Variants in PDGFC observed in about 807,000 individuals in gnomAD.
PDGFC encodes platelet-derived growth factor C.
In PDGFC, 12 loss-of-function variants were observed where a neutral mutation model predicts 35.5. The observed-to-expected ratio is 0.34, with a 90% CI of 0.22 to 0.55. The LOEUF (loss-of-function observed/expected upper bound fraction) is 0.55, where lower values mean the gene tolerates loss of function less well. Among genes scored for constraint, PDGFC ranks in the 20% least tolerant of loss-of-function variants. The probability of loss-of-function intolerance (pLI) is 0.91; values close to 1 mark genes in which losing one functional copy is unlikely to be tolerated. For missense variants in PDGFC, 322 were observed against 412.4 expected (o/e 0.78, Z 1.90); for synonymous variants, 159 against 148.8 (o/e 1.07, Z -0.50).
At chr4:156,829,671 T>C (rs897718725) in intron 2 of PDGFC, among the ~76,000 whole-genome samples, 4 of 152,188 alleles carry the variant, frequency 2.6e-5, no homozygotes, top group Non-Finnish European at 4.4e-5. Flanking sequence ...GTTTCAATTA[T>C]ATCACTCACT....
chr4:156,876,934 T>A (rs1730129535), intron 1 of PDGFC: 1 of 152,138 alleles, frequency 6.6e-6, no homozygotes, highest in African/African-American at 2.4e-5. Flanking sequence ...GTATAAGAGC[T>A]CTACAATTAA....
chr4:156,892,271 T>C (rs1335178579), intron 1 of PDGFC, among the ~76,000 whole-genome samples: 1 of 152,214 alleles, frequency 6.6e-6, no homozygotes, highest in African/African-American at 2.4e-5. Context: ...TTTTCTTCAG[T>C]AGGTTATACA....
intron 3 of PDGFC, chr4:156,779,273 T>A: frequency 2.3e-6 from 1 of 440,746 alleles, no homozygotes; most frequent in South Asian, 1.6e-5. Flanking sequence ...TTTTAAATTA[T>A]TTTTAAGCCG....
intron 1 of PDGFC, among the ~76,000 whole-genome samples, chr4:156,945,197 C>T (rs1364784413): frequency 6.6e-6 from 1 of 151,346 alleles, no homozygotes; most frequent in African/African-American, 2.4e-5. Context: ...GTACATTCTG[C>T]TCATTGCTTT....
At position 156,875,680 on chromosome 4, in the gene PDGFC, G is replaced by A. The variant is rs191925903; in HGVS notation, c.119-25264C>T. Among the ~76,000 whole-genome samples, 245 of 152,324 alleles carry A rather than the reference G, an allele frequency of 1.6e-3. 1 individual carries two copies. Among genetic ancestry groups the A allele is most frequent in the Non-Finnish European group, 2.4e-3 (164 of 68,024 alleles). On this transcript the variant is annotated intron_variant, in intron 1 of 5. Transcript: ENST00000502773. ...CGCCTGTAATCCCAGCACTTTGGGA[G>A]GCTGAGGTGGGCAGATCACTTGAGG... is the stretch of plus-strand genomic sequence containing the variant.
chr4:156,903,784 A>C (rs1179157800), intron 1 of PDGFC, among the ~76,000 whole-genome samples: 1 of 152,134 alleles, frequency 6.6e-6, no homozygotes, highest in East Asian at 1.9e-4. Flanking sequence ...ATTCTGTAGA[A>C]TCTCTTGATT....
intron 1 of PDGFC, among the ~76,000 whole-genome samples, chr4:156,936,709 G>A (rs141875605): frequency 4.6e-5 from 7 of 152,230 alleles, no homozygotes; most frequent in East Asian, 1.9e-4. Context: ...CTGACATGTC[G>A]GACACCATTG....
intron 1 of PDGFC, among the ~76,000 whole-genome samples, chr4:156,881,482 A>G (rs552352825): frequency 1.6e-3 from 238 of 152,128 alleles, no homozygotes; most frequent in African/African-American, 5.3e-3. Context: ...TGTGGGAGGG[A>G]CCCAGCGGGA....
intron 1 of PDGFC, among the ~76,000 whole-genome samples, chr4:156,864,704 A>T (rs1399373922): frequency 4.6e-5 from 7 of 152,174 alleles, no homozygotes; most frequent in Admixed American, 4.6e-4. Context: ...GATAAAGAGC[A>T]TGCCAGTAAG....
chr4:156,826,940 T>C (rs752841862), intron 2 of PDGFC, among the ~76,000 whole-genome samples: 1 of 152,212 alleles, frequency 6.6e-6, no homozygotes, highest in African/African-American at 2.4e-5. Flanking sequence ...TTTAGGATAT[T>C]AGAGAATTTC....
rs530040415 is a variant in PDGFC, at chr4:156,762,496, A to G, written c.*594T>C. 1 of 152,464 alleles carries G rather than the reference A, an allele frequency of 6.6e-6. No individual in the cohort carries two copies. Among genetic ancestry groups the G allele is most frequent in the Non-Finnish European group, 1.5e-5 (1 of 68,036 alleles). The allele number at this position is 152,464 out of a possible 1,614,324, so 9.4% of individuals were successfully genotyped here. A position where few individuals can be genotyped will look rare whatever the true frequency, so the allele number is the denominator to read the frequency against. On this transcript the variant is annotated 3_prime_UTR_variant, in exon 6 of 6. Coordinates refer to ENST00000502773, the MANE Select transcript of PDGFC (RefSeq NM_016205.3). ...CTTCTTCTAAATGGCAGAAATTTTA[A>G]TAAGAAATATGAAAAATCCAGTCTG...
At chr4:156,791,846 C>T (rs1049508456) in intron 3 of PDGFC, among the ~76,000 whole-genome samples, 1 of 152,114 alleles carries the variant, frequency 6.6e-6, no homozygotes, top group African/African-American at 2.4e-5. Context: ...AAAAACATGT[C>T]TTCACTGAGT....
chr4:156,918,945 C>T (rs1330007120), intron 1 of PDGFC, among the ~76,000 whole-genome samples: 3 of 152,086 alleles, frequency 2.0e-5, no homozygotes, highest in African/African-American at 7.2e-5. Flanking sequence ...TTATATTGTA[C>T]TATAATAAAG....
At chr4:156,778,848 C>A (rs1579002892) in intron 3 of PDGFC, among the ~76,000 whole-genome samples, 1 of 152,200 alleles carries the variant, frequency 6.6e-6, no homozygotes, top group African/African-American at 2.4e-5. Flanking sequence ...GCAACTTTCC[C>A]AGTCAACTGC....
Position 156,850,433 on chromosome 4 carries a change from A to G in PDGFC, c.119-17T>C, listed in dbSNP as rs1011481278. 3 of 1,424,418 alleles carry G rather than the reference A, an allele frequency of 2.1e-6. No homozygotes were observed. Among genetic ancestry groups the G allele is most frequent in the Non-Finnish European group, 2.9e-6 (3 of 1,040,462 alleles). The allele number at this position is 1,424,418 out of a possible 1,614,324, so 88.2% of individuals were successfully genotyped here. A position where few individuals can be genotyped will look rare whatever the true frequency, so the allele number is the denominator to read the frequency against. ...CTTGTACTCCTAAAGCAAAAAACAT[A>G]GACATAGACATACATTTAGATTTCA... On this transcript the variant is annotated splice_polypyrimidine_tract_variant and intron_variant, in intron 1 of 5. Transcript: ENST00000502773.
intron 1 of PDGFC, among the ~76,000 whole-genome samples, chr4:156,942,913 T>C (rs1433289270): frequency 6.6e-6 from 1 of 152,052 alleles, no homozygotes; most frequent in Non-Finnish European, 1.5e-5. Flanking sequence ...GTTAGACAGA[T>C]ACCATACAGA....
intron 4 of PDGFC, among the ~76,000 whole-genome samples, chr4:156,770,977 G>A (rs1362891480): frequency 6.6e-6 from 1 of 152,088 alleles, no homozygotes; most frequent in East Asian, 1.9e-4. Flanking sequence ...CTCTCAGGAG[G>A]GGAGTTGGTT....
chr4:156,793,563 A>ATATAT (rs1491330936), intron 3 of PDGFC, among the ~76,000 whole-genome samples: 1 of 123,406 alleles, frequency 8.1e-6, no homozygotes, highest in African/African-American at 3.3e-5. Context: ...ATATATATAT[A>ATATAT]AAACACTTTA....
intron 2 of PDGFC, among the ~76,000 whole-genome samples, chr4:156,833,310 C>T (rs1294539989): frequency 6.6e-6 from 1 of 152,206 alleles, no homozygotes; most frequent in Non-Finnish European, 1.5e-5. Context: ...ACTCAGGCTT[C>T]TTTAGTAGTG....
Sources: allele counts gnomAD v4.1 joint callset (sites outside exome capture counted in the v4.1 genomes callset), GRCh38; gene constraint gnomAD v4.1.1; transcripts MANE v1.5; gene names NCBI Gene and HGNC (gene_info 2026-07-23, HGNC 2026-07-21).